ZNF430: variants seen among roughly 807,000 people sequenced by gnomAD.
ZNF430 encodes the protein zinc finger protein 430.
In ZNF430, 35 loss-of-function variants were observed where a neutral mutation model predicts 56.7. That is an observed-to-expected ratio of 0.62 (90% CI 0.47 to 0.82). The LOEUF is 0.82. ZNF430 is among the 40% of genes least tolerant of loss of function. The probability of loss-of-function intolerance (pLI) is 0.00; values close to 1 mark genes in which losing one functional copy is unlikely to be tolerated. For synonymous variants in ZNF430, 212 were observed against 224.3 expected (o/e 0.94, Z 0.49); for missense variants, 574 against 661.0 (o/e 0.87, Z 1.44).
chr19:21,057,269 G>T lies in ZNF430; in HGVS notation c.961G>T (p.Glu321Ter). 6.2e-7 allele frequency: 1 copy of T among 1,612,940 alleles called. No individual in the cohort carries two copies. The highest frequency in any genetic ancestry group is 8.5e-7 in the Non-Finnish European group (1 of 1,179,826). Residue 321 changes from glutamate to a stop codon, truncating the protein, a stop_gained, in exon 5 of 5, where the codon GAA (glutamate) becomes TAA (stop). Coordinates refer to ENST00000261560, the MANE Select transcript of ZNF430 (RefSeq NM_025189.4). LOFTEE classifies it high-confidence loss of function. The part of the protein sequence containing the change: ...HTGEKPYRCE[E>*]CGRAFNRSSH... ...TGGAGAGAAACCCTACAGATGTGAAGAATGTGGCAGAGCTTTTAACCGGTC... is the reference window on the plus strand; with the variant it reads ...TGGAGAGAAACCCTACAGATGTGAATAATGTGGCAGAGCTTTTAACCGGTC...
chr19:21,051,716 C>G (rs1165262515), intron 4 of ZNF430, among the ~76,000 whole-genome samples: 1 of 152,156 alleles, frequency 6.6e-6, no homozygotes, highest in African/African-American at 2.4e-5. Flanking sequence ...GTCTCGATCT[C>G]TTGACCTCAT....
intron 2 of ZNF430, among the ~76,000 whole-genome samples, chr19:21,026,452 G>C (rs907693224): frequency 1.9e-4 from 29 of 152,208 alleles, no homozygotes; most frequent in African/African-American, 7.0e-4. Context: ...CTCCCAAAGT[G>C]CTGGGGTTAC....
chr19:21,047,767 T>A (rs1350206654), intron 4 of ZNF430, among the ~76,000 whole-genome samples: 2 of 152,182 alleles, frequency 1.3e-5, no homozygotes, highest in African/African-American at 2.4e-5. Context: ...GGAACACTAC[T>A]TTATAAGTTG....
chr19:21,029,798 C>T (rs1967867887), intron 2 of ZNF430, among the ~76,000 whole-genome samples: 1 of 152,132 alleles, frequency 6.6e-6, no homozygotes, highest in Non-Finnish European at 1.5e-5. Context: ...AACCCCGTCT[C>T]TACTAAAAAT....
At position 21,060,025 on chromosome 19, in the gene ZNF430, TAATAA is replaced by T. The variant is rs1464561205; in HGVS notation, c.*2008_*2012del. The stretch of plus-strand genomic sequence containing the variant: ...TTATTGTACTAATTGTACTTTTGTA[TAATAA>T]AATCCAGTGTATTTTAAAAATGTTA... On this transcript the variant is annotated 3_prime_UTR_variant, in exon 5 of 5. Transcript: ENST00000261560. 4 of 152,176 alleles carry T rather than the reference TAATAA, an allele frequency of 2.6e-5. No homozygotes were observed. The highest frequency in any genetic ancestry group is 2.6e-4 in the Admixed American group (4 of 15,276). 9.4% of individuals were successfully genotyped at this position (152,176 alleles called of 1,614,324 possible).
Position 21,034,089 on chromosome 19 carries a change from G to T in ZNF430, c.227G>T (p.Gly76Val), listed in dbSNP as rs761511726. 2 of 1,611,472 alleles carry T rather than the reference G, an allele frequency of 1.2e-6. No individual in the cohort carries two copies. The highest frequency in any genetic ancestry group is 1.7e-6 in the Non-Finnish European group (2 of 1,177,900). ...ENYRNLVFLA[G>V]IAVSKPDLIT... ...ATGTTATTTATTTTCAATAAAGCAGGTATTGCTGTTTCTAAGCCAGACCTG... is the reference window on the plus strand; with the variant it reads ...ATGTTATTTATTTTCAATAAAGCAGTTATTGCTGTTTCTAAGCCAGACCTG... Residue 76 changes from glycine (G) to valine (V), a missense_variant, in exon 4 of 5, where the codon GGT becomes GTT. Transcript: ENST00000261560.
chr19:21,057,570 G>T lies in ZNF430; in HGVS notation c.1262G>T (p.Arg421Ile), dbSNP rs1028428164. The T allele has an allele frequency of 6.2e-7, 1 of 1,607,592 alleles. No individual in the cohort carries two copies. Among genetic ancestry groups the T allele is most frequent in the Non-Finnish European group, 8.5e-7 (1 of 1,178,460 alleles). Residue 421 changes from arginine to isoleucine, a missense_variant, in exon 5 of 5, where the codon AGA becomes ATA. Coordinates refer to ENST00000261560, the MANE Select transcript of ZNF430 (RefSeq NM_025189.4). ...TCCTCGACCCTTACTAAACATAAAA[G>T]AATTCATACTGGAGAGAAACCCTAC... is the stretch of plus-strand genomic sequence containing the variant. ...NWSSTLTKHK[R>I]IHTGEKPYKC...
intron 4 of ZNF430, among the ~76,000 whole-genome samples, chr19:21,052,843 G>A (rs774409854): frequency 4.6e-5 from 7 of 152,128 alleles, no homozygotes; most frequent in Non-Finnish European, 8.8e-5. Context: ...GGAGAACAGC[G>A]AAAGTGAGAC....
At chr19:21,046,535 T>C (rs1464008238) in intron 4 of ZNF430, among the ~76,000 whole-genome samples, 2 of 152,094 alleles carry the variant, frequency 1.3e-5, no homozygotes, top group Non-Finnish European at 2.9e-5. Context: ...GCAGGCCTGG[T>C]GGTGATGAAT....
At chr19:21,048,297 G>A (rs1402040404) in intron 4 of ZNF430, among the ~76,000 whole-genome samples, 4 of 145,570 alleles carry the variant, frequency 2.7e-5, no homozygotes, top group Non-Finnish European at 4.5e-5. Context: ...AAGTGAACAA[G>A]GGTCTCTGGT....
rs1252446072 is a variant in ZNF430 at position 21,047,795 on chromosome 19, T to TG, written c.323-8831dup. Among the ~76,000 whole-genome samples the TG allele has an allele frequency of 2.0e-5, 3 of 152,162 alleles. No individual in the cohort carries two copies. In the East Asian group the frequency reaches 5.8e-4, roughly 29 times the overall value. ...ATAAGTTGTCTGACGATGTCTGTTG[T>TG]GGGGGTCTCACCCAGTCAGGATGCA... On this transcript the variant is annotated intron_variant, in intron 4 of 4. Coordinates refer to ENST00000261560, the MANE Select transcript of ZNF430 (RefSeq NM_025189.4).
chr19:21,020,915 C>T (rs1442598040), intron 1 of ZNF430, 112 bp downstream of exon 1: 1 of 1,479,860 alleles, frequency 6.8e-7, no homozygotes, highest in African/African-American at 1.4e-5. Context: ...CAATCTGCGC[C>T]CCGAGTTCTT....
chr19:21,021,926 G>A (rs4292035), intron 1 of ZNF430, among the ~76,000 whole-genome samples: 103,820 of 147,160 alleles, frequency 0.71, 39,862 homozygotes, highest in East Asian at 0.88. Flanking sequence ...AACTTCTGCC[G>A]CTGCCTGTGT....
intron 4 of ZNF430, among the ~76,000 whole-genome samples, chr19:21,048,012 T>G (rs1968209242): frequency 6.6e-6 from 1 of 152,182 alleles, no homozygotes; most frequent in Non-Finnish European, 1.5e-5. Context: ...GATAAGTTTT[T>G]TCTCATTTCC....
chr19:21,038,198 T>C (rs895340176), intron 4 of ZNF430, among the ~76,000 whole-genome samples: 2 of 152,210 alleles, frequency 1.3e-5, no homozygotes, highest in African/African-American at 4.8e-5. Context: ...AGTATTTTAC[T>C]TAAAATATTT....
intron 4 of ZNF430, among the ~76,000 whole-genome samples, chr19:21,042,562 G>A (rs1262013788): frequency 6.6e-6 from 1 of 152,140 alleles, no homozygotes; most frequent in Non-Finnish European, 1.5e-5. Context: ...GCCGAGGCAG[G>A]AGGATCACAA....
chr19:21,034,248 C>G, intron 4 of ZNF430, 64 bp downstream of exon 4: 1 of 1,151,810 alleles, frequency 8.7e-7, no homozygotes, highest in Non-Finnish European at 1.2e-6. Context: ...AAAGCCAATG[C>G]TTAAAATGTT....
At chr19:21,025,572 A>G (rs1318590397) in intron 2 of ZNF430, among the ~76,000 whole-genome samples, 1 of 151,364 alleles carries the variant, frequency 6.6e-6, no homozygotes, top group Non-Finnish European at 1.5e-5. Context: ...CTGATTCAAT[A>G]CACCTCTGAC....
chr19:21,059,134 A>G lies in ZNF430; in HGVS notation c.*1113A>G, dbSNP rs533990447. The G allele has an allele frequency of 1.3e-5, 2 of 152,358 alleles. No homozygotes were observed. The highest frequency in any genetic ancestry group is 4.8e-5 in the African/African-American group (2 of 41,570). The allele number at this position is 152,358 out of a possible 1,614,324, so 9.4% of individuals were successfully genotyped here. ...TATTTTTGCAGATGCAGTAAAAATGAAAATATTTAATCCAAAATTAAGTCT... is the reference window on the plus strand; with the variant it reads ...TATTTTTGCAGATGCAGTAAAAATGGAAATATTTAATCCAAAATTAAGTCT... On this transcript the variant is annotated 3_prime_UTR_variant, in exon 5 of 5. Coordinates refer to ENST00000261560, the MANE Select transcript of ZNF430 (RefSeq NM_025189.4).
Sources: allele counts gnomAD v4.1 joint callset (sites outside exome capture counted in the v4.1 genomes callset), GRCh38; gene constraint gnomAD v4.1.1; transcripts MANE v1.5; gene names NCBI Gene and HGNC (gene_info 2026-07-23, HGNC 2026-07-21).